CFAP77: variants seen among roughly 807,000 people sequenced by gnomAD.
The protein encoded by CFAP77 is cilia and flagella associated protein 77, also known as cilia- and flagella-associated protein 77.
A neutral mutation model predicts 31.1 loss-of-function variants in CFAP77; 25 were observed. The ratio of observed to expected loss-of-function variants is 0.80; its 90% CI spans 0.59 to 1.12. The LOEUF (loss-of-function observed/expected upper bound fraction) is 1.12. Among genes scored for constraint, CFAP77 ranks in the 50% most tolerant of loss-of-function variants. The pLI is 0.00. For synonymous variants in CFAP77, 151 were observed against 159.9 expected (o/e 0.94, Z 0.42); for missense variants, 377 against 397.3 (o/e 0.95, Z 0.44).
chr9:132,544,968 A>G (rs1475747566), intron 5 of CFAP77, among the ~76,000 whole-genome samples: 1 of 151,996 alleles, frequency 6.6e-6, no homozygotes, highest in Non-Finnish European at 1.5e-5. Context: ...GCCCAAGACC[A>G]TGGACACAGG....
intron 1 of CFAP77, among the ~76,000 whole-genome samples, chr9:132,434,125 C>A (rs1850463879): frequency 6.6e-6 from 1 of 151,672 alleles, no homozygotes; most frequent in Non-Finnish European, 1.5e-5. Context: ...GGTGATGGAG[C>A]AAGACCCTAT....
chr9:132,572,094 G>T (rs1589932407), intron 5 of CFAP77, among the ~76,000 whole-genome samples: 2 of 152,060 alleles, frequency 1.3e-5, no homozygotes, highest in African/African-American at 4.8e-5. Flanking sequence ...AAGGACACTG[G>T]CTACTAGGTC....
chr9:132,459,833 G>A (rs545679322), intron 1 of CFAP77, among the ~76,000 whole-genome samples: 16 of 150,164 alleles, frequency 1.1e-4, no homozygotes, highest in Admixed American at 6.0e-4. Context: ...GTGTGCGTAT[G>A]TGTGGGAGTA....
chr9:132,502,830 A>T (rs1378819367), intron 3 of CFAP77, among the ~76,000 whole-genome samples: 2 of 151,928 alleles, frequency 1.3e-5, no homozygotes, highest in Admixed American at 1.3e-4. Flanking sequence ...CCGTAGTGGG[A>T]TTGCGGGATC....
intron 1 of CFAP77, among the ~76,000 whole-genome samples, chr9:132,434,263 C>T (rs545857139): frequency 6.6e-6 from 1 of 152,278 alleles, no homozygotes; most frequent in South Asian, 2.1e-4. Flanking sequence ...CGCTCTTTGC[C>T]GCCTTTGTAT....
rs118003043 is a variant in CFAP77, at chr9:132,510,288, C to T, written c.524+10688C>T. Reference sequence around the variant, plus strand: ...GATTTTTCCAGAGCTGGGCCTCACCCGTGTCAGGGGAGGGGCACAGCGAAA... The same window carrying T: ...GATTTTTCCAGAGCTGGGCCTCACCTGTGTCAGGGGAGGGGCACAGCGAAA... On this transcript the variant is annotated intron_variant, in intron 3 of 5. Coordinates refer to ENST00000393216, the MANE Select transcript of CFAP77 (RefSeq NM_001282957.2). Among the ~76,000 whole-genome samples, 6 of 152,338 alleles carry T rather than the reference C, an allele frequency of 3.9e-5. 1 individual carries two copies. The highest frequency in any genetic ancestry group is 2.6e-4 in the Admixed American group (4 of 15,308).
chr9:132,499,342 A>G lies in CFAP77; in HGVS notation c.296-30A>G. 1.9e-6 allele frequency: 3 copies of G among 1,604,694 alleles called. No homozygotes were observed. The highest frequency in any genetic ancestry group is 2.6e-6 in the Non-Finnish European group (3 of 1,172,842). ...CAGGGTGCTTACTCCCAGGCTGACCACTGCCCCGTGGGTCTCTCCCTGCCC... is the reference window on the plus strand; with the variant it reads ...CAGGGTGCTTACTCCCAGGCTGACCGCTGCCCCGTGGGTCTCTCCCTGCCC... On this transcript the variant is annotated intron_variant, in intron 2 of 5. Coordinates refer to ENST00000393216, the MANE Select transcript of CFAP77 (RefSeq NM_001282957.2). This position sits in a 1 kb window ranked among gnomAD's most constrained non-coding sequence, Gnocchi z 5.4.
rs1554748136 is a variant in CFAP77, at chr9:132,529,520, C to CCA, written c.525-8081_525-8080insCA. ...CTTAGAGTATAATAAAAAAAAAAAA[C>CCA]AAAAAAAAAACTAAACACATACTTG... On this transcript the variant is annotated intron_variant, in intron 3 of 5. Coordinates refer to ENST00000393216, the MANE Select transcript of CFAP77 (RefSeq NM_001282957.2). Among the ~76,000 whole-genome samples, 6 of 123,416 alleles carry CCA rather than the reference C, an allele frequency of 4.9e-5. No homozygotes were observed. In the South Asian group the frequency reaches 8.5e-4, roughly 18 times the overall value. 81.0% of individuals were successfully genotyped at this position (123,416 alleles called of 152,430 possible).
chr9:132,530,136 C>CTTTTTTTTTTTTTTTTTTTT (rs750962954), intron 3 of CFAP77, among the ~76,000 whole-genome samples: 821 of 93,078 alleles, frequency 8.8e-3, no homozygotes, highest in Non-Finnish European at 0.011. Flanking sequence ...TCTTTCTTTT[C>CTTTTTTTTTTTTTTTTTTTT]TTTTTTTTTT....
chr9:132,550,866 G>A (rs538477740), intron 5 of CFAP77, among the ~76,000 whole-genome samples: 1 of 152,042 alleles, frequency 6.6e-6, no homozygotes, highest in Admixed American at 6.6e-5. Flanking sequence ...CCCATAAATG[G>A]CATCAGATGA....
intron 4 of CFAP77, among the ~76,000 whole-genome samples, chr9:132,541,178 T>C (rs1564246184): frequency 6.6e-6 from 1 of 152,202 alleles, no homozygotes; most frequent in Admixed American, 6.5e-5. Context: ...ATTTGGATGG[T>C]GATGACCCCA....
At chr9:132,559,678 G>A (rs1852963915) in intron 5 of CFAP77, among the ~76,000 whole-genome samples, 2 of 152,080 alleles carry the variant, frequency 1.3e-5, no homozygotes, top group Admixed American at 1.3e-4. Flanking sequence ...CTACTCTTAG[G>A]TATACACCCA....
At chr9:132,415,618 C>T (rs1850082937) in intron 1 of CFAP77, among the ~76,000 whole-genome samples, 1 of 152,226 alleles carries the variant, frequency 6.6e-6, no homozygotes, top group African/African-American at 2.4e-5. Context: ...AAGGCCGTTC[C>T]TCCAGGAAAA....
Position 132,461,848 on chromosome 9 carries a change from AT to A in CFAP77, c.196-36844del, listed in dbSNP as rs560469062. 4.0e-3 allele frequency among the ~76,000 whole-genome samples: 602 copies of A among 152,212 alleles called. 6 individuals carry two copies. Among genetic ancestry groups the A allele is most frequent in the African/African-American group, 0.013 (555 of 41,520 alleles). ...TCATCCGCCTCACAGAGTGGCTGCG[AT>A]TTCCCCCCGTTTCTGCTCTAGAGCC... On this transcript the variant is annotated intron_variant, in intron 1 of 5. Transcript: ENST00000393216.
intron 5 of CFAP77, among the ~76,000 whole-genome samples, chr9:132,547,561 G>A (rs1026693919): frequency 4.6e-5 from 7 of 152,174 alleles, no homozygotes; most frequent in African/African-American, 1.2e-4. Flanking sequence ...GGCCAGACTC[G>A]GGTGTGACTG....
chr9:132,502,277 T>TAG (rs1554744820), intron 3 of CFAP77, among the ~76,000 whole-genome samples: 1 of 123,436 alleles, frequency 8.1e-6, no homozygotes, highest in East Asian at 2.2e-4. Context: ...TTTTTTTTTT[T>TAG]GGGGGAGGGG....
At chr9:132,479,199 GTGA>G (rs1942074252) in intron 1 of CFAP77, among the ~76,000 whole-genome samples, 1 of 152,154 alleles carries the variant, frequency 6.6e-6, no homozygotes, top group Admixed American at 6.5e-5. Context: ...CTTTACCTTA[GTGA>G]TGCAACCCCA....
At position 132,565,474 on chromosome 9, in the gene CFAP77, A is replaced by G. The variant is rs1004253978; in HGVS notation, c.733-6914A>G. Among the ~76,000 whole-genome samples, 3 of 152,044 alleles carry G rather than the reference A, an allele frequency of 2.0e-5. No homozygotes were observed. The highest frequency in any genetic ancestry group is 4.8e-5 in the African/African-American group (2 of 41,404). On this transcript the variant is annotated intron_variant, in intron 5 of 5. Transcript: ENST00000393216. This position sits in a 1 kb window ranked among gnomAD's most constrained non-coding sequence, Gnocchi z 4.1. ...GTAAAACCCCGTCTCTACTAAAAAT[A>G]TAAAAAATTAGCTGGGCGTGATGGC...
At chr9:132,514,522 G>C (rs759422919) in intron 3 of CFAP77, among the ~76,000 whole-genome samples, 32 of 152,250 alleles carry the variant, frequency 2.1e-4, no homozygotes, top group Admixed American at 1.2e-3. Context: ...CTGCCCAGTC[G>C]GTTTCTGAGT....
Sources: gnomAD v4.1 joint callset for allele counts (sites outside exome capture counted in the v4.1 genomes callset) on GRCh38, gnomAD v4.1.1 for gene constraint, Gnocchi (gnomAD v3.1) non-coding constraint, MANE v1.5 for transcripts, NCBI Gene and HGNC (gene_info 2026-07-23, HGNC 2026-07-21) for gene names.